Variants in NEGR1 observed in about 807,000 individuals in gnomAD.
NEGR1 encodes the protein IgLON family member 4.
A neutral mutation model predicts 40.9 loss-of-function variants in NEGR1; 10 were observed. That is an observed-to-expected ratio of 0.24 (90% CI 0.15 to 0.42). The LOEUF is 0.42. Ranked by LOEUF, NEGR1 falls within the 10% of genes least tolerant of loss-of-function variation. The probability of loss-of-function intolerance (pLI) is 1.00; values close to 1 mark genes in which losing one functional copy is unlikely to be tolerated. For synonymous variants in NEGR1, 185 were observed against 166.8 expected (o/e 1.11, Z -0.84); for missense variants, 352 against 438.9 (o/e 0.80, Z 1.77).
chr1:72,263,314 A>G (rs1354604369), intron 1 of NEGR1, among the ~76,000 whole-genome samples: 1 of 151,734 alleles, frequency 6.6e-6, no homozygotes, highest in African/African-American at 2.4e-5. Flanking sequence ...AGAGAAGTTT[A>G]CTTACATGCT....
chr1:71,645,352 T>C (rs903055868), intron 4 of NEGR1, among the ~76,000 whole-genome samples: 3 of 151,980 alleles, frequency 2.0e-5, no homozygotes, highest in African/African-American at 7.2e-5. Flanking sequence ...CTCAATATAC[T>C]AAATATTCAG....
chr1:72,274,187 C>T (rs1655958514), intron 1 of NEGR1, among the ~76,000 whole-genome samples: 1 of 151,964 alleles, frequency 6.6e-6, no homozygotes, highest in Non-Finnish European at 1.5e-5. Context: ...TTCCTCTCCC[C>T]TTTTCTCTCA....
At chr1:71,632,891 A>T (rs1170504686) in intron 4 of NEGR1, among the ~76,000 whole-genome samples, 1 of 152,032 alleles carries the variant, frequency 6.6e-6, no homozygotes, top group African/African-American at 2.4e-5. Context: ...GGCTGTGTTT[A>T]CAGGCTAGAT....
chr1:72,075,615 T>C (rs1363280894), intron 1 of NEGR1, among the ~76,000 whole-genome samples: 1 of 152,194 alleles, frequency 6.6e-6, no homozygotes, highest in Non-Finnish European at 1.5e-5. Context: ...GCTGACCATC[T>C]GGATGAATGA....
intron 6 of NEGR1, among the ~76,000 whole-genome samples, chr1:71,487,601 T>G (rs531563151): frequency 2.6e-5 from 4 of 151,900 alleles, no homozygotes; most frequent in Admixed American, 2.0e-4. Flanking sequence ...TAATATGAAG[T>G]CTGCTCAGGA....
At chr1:72,015,493 G>C (rs139958783) in intron 1 of NEGR1, among the ~76,000 whole-genome samples, 2 of 151,802 alleles carry the variant, frequency 1.3e-5, no homozygotes, top group Non-Finnish European at 2.9e-5. Flanking sequence ...GGTTTTTACC[G>C]TAAATAAAAT....
At chr1:71,597,340 T>C (rs1281913542) in intron 5 of NEGR1, among the ~76,000 whole-genome samples, 1 of 151,086 alleles carries the variant, frequency 6.6e-6, no homozygotes, top group Non-Finnish European at 1.5e-5. Context: ...ACTCTGAAGA[T>C]GACATGAAGA....
intron 6 of NEGR1, among the ~76,000 whole-genome samples, chr1:71,462,481 C>T (rs1216396901): frequency 1.3e-5 from 2 of 152,028 alleles, no homozygotes. Flanking sequence ...AGGACCTTGC[C>T]CAGCAGGATG....
In NEGR1 at chr1:71,401,347, TTTAAA is replaced by T. The variant is rs989394307; in HGVS notation, c.*6094_*6098del. ...TTTTGATCTATAAATGTGTATGTTC[TTTAAA>T]TTATCCTTTTATCTGGTTGTAATGT... On this transcript the variant is annotated 3_prime_UTR_variant, in exon 7 of 7. Coordinates refer to ENST00000357731, the MANE Select transcript of NEGR1 (RefSeq NM_173808.3). The T allele has an allele frequency of 3.3e-5, 5 of 152,346 alleles. No homozygotes were observed. The highest frequency in any genetic ancestry group is 1.2e-4 in the African/African-American group (5 of 41,586). The allele number at this position is 152,346 out of a possible 1,614,324, so 9.4% of individuals were successfully genotyped here. A position where few individuals can be genotyped will look rare whatever the true frequency, so the allele number is the denominator to read the frequency against.
intron 2 of NEGR1, among the ~76,000 whole-genome samples, chr1:71,921,537 T>C (rs1645717320): frequency 6.6e-6 from 1 of 151,938 alleles, no homozygotes; most frequent in African/African-American, 2.4e-5. Context: ...TTTTATTTAA[T>C]GAATACTAAA....
At chr1:71,487,790 G>A (rs956162952) in intron 6 of NEGR1, among the ~76,000 whole-genome samples, 2 of 151,282 alleles carry the variant, frequency 1.3e-5, no homozygotes, top group Admixed American at 6.6e-5. Context: ...TATGCAAAAT[G>A]CACTTTTCCT....
At chr1:71,477,175 A>T (rs991995343) in intron 6 of NEGR1, among the ~76,000 whole-genome samples, 11 of 152,116 alleles carry the variant, frequency 7.2e-5, no homozygotes, top group African/African-American at 2.7e-4. Context: ...AAGTGTTTTT[A>T]AAAAGGCAAC....
At chr1:71,720,159 CAAAT>C (rs1557626503) in intron 3 of NEGR1, among the ~76,000 whole-genome samples, 1 of 152,076 alleles carries the variant, frequency 6.6e-6, no homozygotes, top group African/African-American at 2.4e-5. Context: ...TTTTTTAAAA[CAAAT>C]AAAGTAAGCG....
intron 5 of NEGR1, among the ~76,000 whole-genome samples, chr1:71,605,593 C>T (rs1650052236): frequency 6.6e-6 from 1 of 152,164 alleles, no homozygotes; most frequent in Non-Finnish European, 1.5e-5. Context: ...TTTCATATCA[C>T]CAAAAACGTT....
At chr1:71,685,811 T>A (rs1014025952) in intron 4 of NEGR1, among the ~76,000 whole-genome samples, 7 of 152,224 alleles carry the variant, frequency 4.6e-5, no homozygotes, top group Admixed American at 3.3e-4. Flanking sequence ...TCATTGGTAT[T>A]CAATTTCTAA....
intron 1 of NEGR1, among the ~76,000 whole-genome samples, chr1:72,269,582 T>C (rs1295017939): frequency 2.6e-5 from 4 of 151,772 alleles, no homozygotes; most frequent in African/African-American, 7.2e-5. Context: ...ACTCAGCTTC[T>C]ATGAGGTTGT....
At chr1:72,087,217 G>A (rs1036726076) in intron 1 of NEGR1, among the ~76,000 whole-genome samples, 2 of 152,028 alleles carry the variant, frequency 1.3e-5, no homozygotes, top group Non-Finnish European at 2.9e-5. Flanking sequence ...AGGAGTTTGA[G>A]GCCAGCCTGA....
At chr1:71,475,874 TAG>T in intron 6 of NEGR1, among the ~76,000 whole-genome samples, 2 of 152,202 alleles carry the variant, frequency 1.3e-5, no homozygotes, top group East Asian at 3.9e-4. Flanking sequence ...CATTTTTTTC[TAG>T]AGACTATAAT....
At chr1:72,189,830 T>G (rs2100426639) in intron 1 of NEGR1, among the ~76,000 whole-genome samples, 1 of 151,694 alleles carries the variant, frequency 6.6e-6, no homozygotes, top group East Asian at 1.9e-4. Context: ...TATCTTCAAG[T>G]CATTTGCTGA....
Sources: allele counts gnomAD v4.1 joint callset (sites outside exome capture counted in the v4.1 genomes callset), GRCh38; gene constraint gnomAD v4.1.1; transcripts MANE v1.5; gene names NCBI Gene and HGNC (gene_info 2026-07-23, HGNC 2026-07-21).